CDC26: variants seen among roughly 807,000 people sequenced by gnomAD.
The protein encoded by CDC26 is anaphase-promoting complex subunit CDC26.
A neutral mutation model predicts 8.0 loss-of-function variants in CDC26; 2 were observed. The ratio of observed to expected loss-of-function variants is 0.25; its 90% CI spans 0.10 to 0.79. The LOEUF is 0.79. Ranked by LOEUF, CDC26 falls within the 30% of genes least tolerant of loss-of-function variation. CDC26 has a pLI of 0.70. For synonymous variants in CDC26, 19 were observed against 34.9 expected, an observed-to-expected ratio of 0.55 and a Z score of 1.60; for missense variants, 68 against 106.0, an observed-to-expected ratio of 0.64 and a Z score of 1.57.
intron 1 of CDC26, among the ~76,000 whole-genome samples, chr9:113,274,740 A>G: frequency 6.6e-6 from 1 of 152,196 alleles, no homozygotes. Context: ...CTGCTGTTGT[A>G]GGAAGTCAAT....
At chr9:113,271,968 G>A (rs1214156874) in intron 3 of CDC26, among the ~76,000 whole-genome samples, 1 of 152,140 alleles carries the variant, frequency 6.6e-6, no homozygotes, top group South Asian at 2.1e-4. Flanking sequence ...CTCCTGAGTA[G>A]CTCAGGCATG....
chr9:113,270,264 C>T (rs138739497), intron 3 of CDC26, among the ~76,000 whole-genome samples: 2 of 152,314 alleles, frequency 1.3e-5, no homozygotes, highest in East Asian at 1.9e-4. Context: ...GACCAGCTCA[C>T]AAGGAGCTCA....
At chr9:113,269,109 T>C (rs1363000913) in intron 3 of CDC26, among the ~76,000 whole-genome samples, 2 of 152,090 alleles carry the variant, frequency 1.3e-5, no homozygotes, top group African/African-American at 4.8e-5. Flanking sequence ...TATTCCCAGT[T>C]ATTCAGGGGG....
chr9:113,271,872 C>T (rs994480743), intron 3 of CDC26, among the ~76,000 whole-genome samples: 1 of 152,168 alleles, frequency 6.6e-6, no homozygotes, highest in African/African-American at 2.4e-5. Context: ...GAGAGTCTCA[C>T]TGTTGCCCAG....
Position 113,275,452 on chromosome 9 carries a change from C to G in CDC26, c.-222G>C. The G allele has an allele frequency of 2.5e-6, 1 of 392,602 alleles. No individual in the cohort carries two copies. The highest frequency in any genetic ancestry group is 4.6e-6 in the Non-Finnish European group (1 of 217,414). 24.3% of individuals were successfully genotyped at this position (392,602 alleles called of 1,614,324 possible). A position where few individuals can be genotyped will look rare whatever the true frequency, so the allele number is the denominator to read the frequency against. ...CCCAACGAAACTACTGCTAAGCCAA[C>G]TGGACTACACTTCCCAGACTGCTTG... On this transcript the variant is annotated 5_prime_UTR_variant, in exon 1 of 4. Transcript: ENST00000374206.
At chr9:113,272,375 T>C (rs1831972342) in intron 3 of CDC26, 52 bp downstream of exon 3, 1 of 1,371,378 alleles carries the variant, frequency 7.3e-7, no homozygotes, top group Non-Finnish European at 1.0e-6. Flanking sequence ...TACTCCAGCC[T>C]GTGTGACAGA....
intron 3 of CDC26, among the ~76,000 whole-genome samples, chr9:113,268,140 G>A (rs1831893382): frequency 6.6e-6 from 1 of 152,206 alleles, no homozygotes; most frequent in African/African-American, 2.4e-5. Flanking sequence ...TTGGGGTGTG[G>A]TGGTACAACA....
chr9:113,273,637 G>A (rs751480350), intron 1 of CDC26, among the ~76,000 whole-genome samples, 199 bp from the exon 2 acceptor site: 4 of 151,894 alleles, frequency 2.6e-5, no homozygotes, highest in Admixed American at 6.6e-5. Context: ...TGCACAAGGA[G>A]GCTCAAGTAC....
At chr9:113,275,360 C>A (rs573327598) in intron 1 of CDC26, 22 bp downstream of exon 1, 2 of 192,678 alleles carry the variant, frequency 1.0e-5, no homozygotes, top group African/African-American at 4.7e-5. Flanking sequence ...CAGCCCCGAG[C>A]CGCGCGAGTC....
intron 1 of CDC26, among the ~76,000 whole-genome samples, chr9:113,274,965 G>C (rs892200878): frequency 6.6e-6 from 1 of 152,138 alleles, no homozygotes; most frequent in Non-Finnish European, 1.5e-5. Flanking sequence ...AGGGCAGAGA[G>C]ACGTACAGAG....
intron 3 of CDC26, among the ~76,000 whole-genome samples, chr9:113,268,994 C>T (rs923501235): frequency 6.6e-6 from 1 of 152,160 alleles, no homozygotes; most frequent in Non-Finnish European, 1.5e-5. Context: ...ACCTCGTGAT[C>T]CGCCTGCCTC....
At position 113,272,544 on chromosome 9, in the gene CDC26, A is replaced by G; in HGVS notation, c.-37T>C. The G allele has an allele frequency of 6.8e-7, 1 of 1,467,466 alleles. No homozygotes were observed. The highest frequency in any genetic ancestry group is 1.1e-5 in the South Asian group (1 of 87,348). 90.9% of individuals were successfully genotyped at this position (1,467,466 alleles called of 1,614,324 possible). A position where few individuals can be genotyped will look rare whatever the true frequency, so the allele number is the denominator to read the frequency against. On this transcript the variant is annotated 5_prime_UTR_variant, in exon 3 of 4. Coordinates refer to ENST00000374206, the MANE Select transcript of CDC26 (RefSeq NM_139286.4). ...CACTAAGGGCCAAACCCAGTGAACTATTAGCTGTTAAAAATGAAAGAGAGG... is the reference window on the plus strand; with the variant it reads ...CACTAAGGGCCAAACCCAGTGAACTGTTAGCTGTTAAAAATGAAAGAGAGG...
At chr9:113,274,205 C>T in intron 1 of CDC26, among the ~76,000 whole-genome samples, 1 of 151,912 alleles carries the variant, frequency 6.6e-6, no homozygotes, top group Non-Finnish European at 1.5e-5. Flanking sequence ...TTTTAGCCTC[C>T]TATAAAAATT....
intron 3 of CDC26, among the ~76,000 whole-genome samples, chr9:113,270,667 G>A (rs1293130880): frequency 6.6e-6 from 1 of 152,160 alleles, no homozygotes; most frequent in Non-Finnish European, 1.5e-5. Context: ...CAGGCAGGGG[G>A]AAATAATATG....
At position 113,270,386 on chromosome 9, in the gene CDC26, G is replaced by A. The variant is rs570646470; in HGVS notation, c.81+2041C>T. ...AGGCCACAGTTAAAAATACATATGG[G>A]GCCCCTACTATGAACTAGATGGTAA... On this transcript the variant is annotated intron_variant, in intron 3 of 3. Transcript: ENST00000374206. 5.9e-4 allele frequency among the ~76,000 whole-genome samples: 89 copies of A among 152,096 alleles called. 1 individual carries two copies. Among genetic ancestry groups the A allele is most frequent in the African/African-American group, 2.1e-3 (86 of 41,498 alleles).
At chr9:113,268,410 G>A (rs1328882948) in intron 3 of CDC26, among the ~76,000 whole-genome samples, 2 of 152,178 alleles carry the variant, frequency 1.3e-5, no homozygotes, top group African/African-American at 4.8e-5. Flanking sequence ...GCAGAATCCA[G>A]AAAGTATGTC....
chr9:113,271,442 A>T (rs1831954877), intron 3 of CDC26, among the ~76,000 whole-genome samples: 1 of 152,146 alleles, frequency 6.6e-6, no homozygotes, highest in African/African-American at 2.4e-5. Flanking sequence ...TATCATAAGA[A>T]GGAGGCAGAG....
At chr9:113,271,514 A>G (rs66509679) in intron 3 of CDC26, among the ~76,000 whole-genome samples, 1 of 152,096 alleles carries the variant, frequency 6.6e-6, no homozygotes, top group Non-Finnish European at 1.5e-5. Flanking sequence ...GGAGTGATAC[A>G]GTCATGAGTC....
chr9:113,275,122 G>T (rs1002680442), intron 1 of CDC26, among the ~76,000 whole-genome samples: 1 of 152,072 alleles, frequency 6.6e-6, no homozygotes, highest in African/African-American at 2.4e-5. Flanking sequence ...TTAATCTCCC[G>T]CCGCAGCCCA....
Sources: gnomAD v4.1 joint callset for allele counts (sites outside exome capture counted in the v4.1 genomes callset) on GRCh38, gnomAD v4.1.1 for gene constraint, MANE v1.5 for transcripts, NCBI Gene and HGNC (gene_info 2026-07-23, HGNC 2026-07-21) for gene names.